The following DPYSL5 variants were observed in gnomAD, a reference collection of about 807,000 sequenced individuals.
DPYSL5 encodes the protein dihydropyrimidinase like 5.
DPYSL5 carries 9 observed loss-of-function variants against 58.4 expected under a neutral mutation model. The ratio of observed to expected loss-of-function variants is 0.15; its 90% CI spans 0.09 to 0.27. The LOEUF (loss-of-function observed/expected upper bound fraction) is 0.27. Ranked by LOEUF, DPYSL5 falls within the 10% of genes least tolerant of loss-of-function variation. DPYSL5 has a pLI of 1.00. For missense variants in DPYSL5, 499 were observed against 770.6 expected, an observed-to-expected ratio of 0.65 and a Z score of 4.17; for synonymous variants, 293 against 301.9, an observed-to-expected ratio of 0.97 and a Z score of 0.31.
intron 1 of DPYSL5, among the ~76,000 whole-genome samples, chr2:26,891,037 A>T (rs1370335852): frequency 2.0e-5 from 3 of 152,210 alleles, no homozygotes; most frequent in Non-Finnish European, 4.4e-5. Context: ...GGACACATAC[A>T]TCTAGTCCAT....
rs55795892 is a variant in DPYSL5, at chr2:26,936,945, TAAA to T, written c.947+2225_947+2227del. On this transcript the variant is annotated intron_variant, in intron 8 of 12. Coordinates refer to ENST00000288699, the MANE Select transcript of DPYSL5 (RefSeq NM_020134.4). ...TGGGCAACAAGAGCAAGACTTCATT[TAAA>T]AAAAAAAAAAAAAGCTTGTTTTGAG... 3.9e-5 allele frequency among the ~76,000 whole-genome samples: 3 copies of T among 77,902 alleles called. No homozygotes were observed. The Middle Eastern group carries it at 0.024, about 628-fold the overall frequency. 51.1% of individuals were successfully genotyped at this position (77,902 alleles called of 152,430 possible). A position where few individuals can be genotyped will look rare whatever the true frequency, so the allele number is the denominator to read the frequency against.
intron 2 of DPYSL5, among the ~76,000 whole-genome samples, chr2:26,910,696 C>A (rs934427962): frequency 7.1e-6 from 1 of 141,538 alleles, no homozygotes; most frequent in African/African-American, 2.6e-5. Context: ...CTCAGTTGAT[C>A]TGCCCGCCCC....
At position 26,927,370 on chromosome 2, in the gene DPYSL5, G is replaced by A. The variant is rs769118801; in HGVS notation, c.538G>A (p.Ala180Thr). 1.9e-5 allele frequency: 30 copies of A among 1,614,100 alleles called. No individual in the cohort carries two copies. In the East Asian group the frequency reaches 2.9e-4, roughly 16 times the overall value. ...RDSELYQVLH[A>T]CKDIGAIARV... Reference sequence around the variant, plus strand: ...CAGTGAGCTGTACCAAGTGTTGCACGCTTGCAAGGACATTGGGGCAATCGC... The same window carrying A: ...CAGTGAGCTGTACCAAGTGTTGCACACTTGCAAGGACATTGGGGCAATCGC... Residue 180 changes from alanine (A) to threonine (T), a missense_variant, in exon 4 of 13, where the codon GCT becomes ACT. By Grantham distance (58) the Ala-to-Thr change is moderately conservative. Transcript: ENST00000288699. The surrounding 1 kb of genome is among the most constrained non-coding windows in gnomAD (Gnocchi z 4.3).
intron 12 of DPYSL5, among the ~76,000 whole-genome samples, chr2:26,945,250 TCTC>T (rs1171632478): frequency 6.7e-6 from 1 of 149,008 alleles, no homozygotes; most frequent in East Asian, 2.0e-4. Context: ...TGCTACCCCC[TCTC>T]CTCCTCTGAC....
At chr2:26,852,005 G>A (rs1391082689) in intron 1 of DPYSL5, among the ~76,000 whole-genome samples, 1 of 152,164 alleles carries the variant, frequency 6.6e-6, no homozygotes, top group African/African-American at 2.4e-5. Flanking sequence ...GAAAAATATT[G>A]AGAGCCAGAG....
intron 2 of DPYSL5, among the ~76,000 whole-genome samples, chr2:26,915,217 C>G (rs577363263): frequency 3.0e-4 from 46 of 152,244 alleles, no homozygotes; most frequent in African/African-American, 1.0e-3. Context: ...CAACCCCACT[C>G]CTCTTCCAGG....
chr2:26,942,233 C>T lies in DPYSL5; in HGVS notation c.1232+141C>T, dbSNP rs1206373313. ...CTGGCCTACCGTTGGCCATCTTCTCCCTCCATCTTCACACAGTCTTTCTTC... is the reference window on the plus strand; with the variant it reads ...CTGGCCTACCGTTGGCCATCTTCTCTCTCCATCTTCACACAGTCTTTCTTC... On this transcript the variant is annotated intron_variant, in intron 10 of 12. Coordinates refer to ENST00000288699, the MANE Select transcript of DPYSL5 (RefSeq NM_020134.4). The surrounding 1 kb of genome is among the most constrained non-coding windows in gnomAD (Gnocchi z 5.9). 1.6e-6 allele frequency: 2 copies of T among 1,246,942 alleles called. No homozygotes were observed. Among genetic ancestry groups the T allele is most frequent in the Non-Finnish European group, 2.2e-6 (2 of 902,122 alleles). 77.2% of individuals were successfully genotyped at this position (1,246,942 alleles called of 1,614,324 possible).
At chr2:26,896,824 A>G (rs1254642613) in intron 1 of DPYSL5, among the ~76,000 whole-genome samples, 4 of 152,148 alleles carry the variant, frequency 2.6e-5, no homozygotes, top group African/African-American at 7.2e-5. Flanking sequence ...CCCATTTTGT[A>G]GGTTTTCTCT....
chr2:26,945,899 T>C lies in DPYSL5; in HGVS notation c.1610-1011T>C, dbSNP rs146704722. Among the ~76,000 whole-genome samples the C allele has an allele frequency of 9.7e-3, 1,478 of 152,314 alleles. 6 individuals carry two copies. Among genetic ancestry groups the C allele is most frequent in the Non-Finnish European group, 0.017 (1,127 of 68,012 alleles). On this transcript the variant is annotated intron_variant, in intron 12 of 12. Coordinates refer to ENST00000288699, the MANE Select transcript of DPYSL5 (RefSeq NM_020134.4). ...GCGCCTGCCTGCCCAGGCTCCTGTG[T>C]GCCCTGCTTTGGGCCAGGCGCAGCT...
intron 1 of DPYSL5, among the ~76,000 whole-genome samples, chr2:26,891,012 C>T (rs192566401): frequency 2.0e-5 from 3 of 152,308 alleles, no homozygotes; most frequent in Admixed American, 2.0e-4. Flanking sequence ...AAGGCTTCAG[C>T]ATATGAATTA....
chr2:26,942,452 C>A lies in DPYSL5; in HGVS notation c.1233-91C>A, dbSNP rs1665348174. The A allele has an allele frequency of 3.6e-6, 5 of 1,383,920 alleles. No individual in the cohort carries two copies. In the Admixed American group the frequency reaches 8.4e-5, roughly 23 times the overall value. The allele number at this position is 1,383,920 out of a possible 1,614,324, so 85.7% of individuals were successfully genotyped here. A position where few individuals can be genotyped will look rare whatever the true frequency, so the allele number is the denominator to read the frequency against. ...TGAAGGGAGCCAATTCAACCCATAA[C>A]AACCAGCCTTTGGGGCTCACCCCTC... On this transcript the variant is annotated intron_variant, in intron 10 of 12. Transcript: ENST00000288699. This position sits in a 1 kb window ranked among gnomAD's most constrained non-coding sequence, Gnocchi z 5.9.
At chr2:26,914,599 G>A (rs1255565399) in intron 2 of DPYSL5, among the ~76,000 whole-genome samples, 1 of 152,168 alleles carries the variant, frequency 6.6e-6, no homozygotes, top group Non-Finnish European at 1.5e-5. Flanking sequence ...TATTGATGAG[G>A]CTGAAGGGAG....
rs977343403 is a variant in DPYSL5 at position 26,942,338 on chromosome 2, A to G, written c.1233-205A>G. 6.6e-6 allele frequency among the ~76,000 whole-genome samples: 1 copy of G among 152,014 alleles called. No individual in the cohort carries two copies. Among genetic ancestry groups the G allele is most frequent in the Non-Finnish European group, 1.5e-5 (1 of 68,006 alleles). Reference sequence around the variant, plus strand: ...GACTGGATTAGGGCCCACCTATATGACCTCACTTTATCTTAATGATTACAT... The same window carrying G: ...GACTGGATTAGGGCCCACCTATATGGCCTCACTTTATCTTAATGATTACAT... On this transcript the variant is annotated intron_variant, in intron 10 of 12. Coordinates refer to ENST00000288699, the MANE Select transcript of DPYSL5 (RefSeq NM_020134.4). The surrounding 1 kb of genome is among the most constrained non-coding windows in gnomAD (Gnocchi z 5.9).
rs55795892 is a variant in DPYSL5, at chr2:26,936,945, T to TAAAAAAAAAAAA, written c.947+2216_947+2227dup. On this transcript the variant is annotated intron_variant, in intron 8 of 12. Transcript: ENST00000288699. Reference sequence around the variant, plus strand: ...TGGGCAACAAGAGCAAGACTTCATTTAAAAAAAAAAAAAAAAGCTTGTTTT... The same window carrying TAAAAAAAAAAAA: ...TGGGCAACAAGAGCAAGACTTCATTTAAAAAAAAAAAAAAAAAAAAAAAAAAAAGCTTGTTTT... Among the ~76,000 whole-genome samples, 39 of 77,886 alleles carry TAAAAAAAAAAAA rather than the reference T, an allele frequency of 5.0e-4. 4 individuals carry two copies. Among genetic ancestry groups the TAAAAAAAAAAAA allele is most frequent in the Non-Finnish European group, 7.1e-4 (29 of 40,848 alleles). 51.1% of individuals were successfully genotyped at this position (77,886 alleles called of 152,430 possible). A position where few individuals can be genotyped will look rare whatever the true frequency, so the allele number is the denominator to read the frequency against.
chr2:26,901,866 G>A (rs1024539982), intron 2 of DPYSL5, among the ~76,000 whole-genome samples: 37 of 147,392 alleles, frequency 2.5e-4, no homozygotes, highest in East Asian at 2.0e-4. Context: ...TGGCCTTTCC[G>A]AGAACATCTG....
intron 1 of DPYSL5, among the ~76,000 whole-genome samples, chr2:26,890,573 C>G (rs1180252931): frequency 6.6e-6 from 1 of 152,230 alleles, no homozygotes; most frequent in Non-Finnish European, 1.5e-5. Flanking sequence ...GCTGGGCCAT[C>G]ACTCACACTG....
intron 2 of DPYSL5, among the ~76,000 whole-genome samples, chr2:26,907,746 C>A (rs1664332450): frequency 6.6e-6 from 1 of 152,208 alleles, no homozygotes; most frequent in South Asian, 2.1e-4. Context: ...TAACCCAGCT[C>A]CAGGATGTCA....
intron 1 of DPYSL5, among the ~76,000 whole-genome samples, chr2:26,862,890 T>C (rs989418482): frequency 1.3e-5 from 2 of 152,228 alleles, no homozygotes; most frequent in Non-Finnish European, 2.9e-5. Context: ...GTGTACAGCC[T>C]ATTCCAGAAG....
At position 26,949,384 on chromosome 2, in the gene DPYSL5, G is replaced by C. The variant is rs2148183426; in HGVS notation, c.*2389G>C. 6.6e-6 allele frequency: 1 copy of C among 152,514 alleles called. No individual in the cohort carries two copies. Among genetic ancestry groups the C allele is most frequent in the South Asian group, 2.1e-4 (1 of 4,828 alleles). 9.4% of individuals were successfully genotyped at this position (152,514 alleles called of 1,614,324 possible). A position where few individuals can be genotyped will look rare whatever the true frequency, so the allele number is the denominator to read the frequency against. ...CAGCCGGGGAGCAGAGGTGGCGAAG[G>C]GGCTCATGGCAAGTGGCAGCCATTG... On this transcript the variant is annotated 3_prime_UTR_variant, in exon 13 of 13. Coordinates refer to ENST00000288699, the MANE Select transcript of DPYSL5 (RefSeq NM_020134.4).
Sources: allele counts gnomAD v4.1 joint callset (sites outside exome capture counted in the v4.1 genomes callset), GRCh38; gene constraint gnomAD v4.1.1; non-coding constraint Gnocchi (gnomAD v3.1); transcripts MANE v1.5; gene names NCBI Gene and HGNC (gene_info 2026-07-23, HGNC 2026-07-21).